NCKAP1: variants seen among roughly 807,000 people sequenced by gnomAD.
The protein encoded by NCKAP1 is nck-associated protein 1.
In NCKAP1, 21 loss-of-function variants were observed where a neutral mutation model predicts 151.2. The ratio of observed to expected loss-of-function variants is 0.14; its 90% CI spans 0.10 to 0.20. The LOEUF is 0.20. Among genes scored for constraint, NCKAP1 ranks in the 10% least tolerant of loss-of-function variants. The probability of loss-of-function intolerance (pLI) is 1.00; values close to 1 mark genes in which losing one functional copy is unlikely to be tolerated. For synonymous variants in NCKAP1, 484 were observed against 451.8 expected (o/e 1.07, Z -0.90); for missense variants, 933 against 1,352.1 (o/e 0.69, Z 4.86).
chr2:183,019,348 G>GA (rs200853290), intron 2 of NCKAP1, among the ~76,000 whole-genome samples: 6 of 150,178 alleles, frequency 4.0e-5, no homozygotes, highest in African/African-American at 1.5e-4. Flanking sequence ...ATAGGAAAGA[G>GA]AAAAAAAAAG....
At chr2:182,929,187 G>A (rs1280293776) in intron 27 of NCKAP1, among the ~76,000 whole-genome samples, 1 of 151,278 alleles carries the variant, frequency 6.6e-6, no homozygotes, top group African/African-American at 2.4e-5. Flanking sequence ...TAAGATTATA[G>A]AACAAAAAAT....
At position 182,967,388 on chromosome 2, in the gene NCKAP1, G is replaced by C. The variant is rs571047058; in HGVS notation, c.1483-27C>G. ...TATAAAGTACAAAAAAAAAAAAGTA[G>C]TTCAGGTAAACATAAATGACTTCGG... On this transcript the variant is annotated intron_variant, in intron 15 of 30. Coordinates refer to ENST00000361354, the MANE Select transcript of NCKAP1 (RefSeq NM_013436.5). The C allele has an allele frequency of 2.6e-6, 4 of 1,553,348 alleles. No homozygotes were observed. In the African/African-American group the frequency reaches 5.6e-5, roughly 22 times the overall value.
chr2:183,033,155 T>G (rs921904719), intron 1 of NCKAP1, among the ~76,000 whole-genome samples: 1 of 152,216 alleles, frequency 6.6e-6, no homozygotes, highest in African/African-American at 2.4e-5. Flanking sequence ...GTAAATTATC[T>G]GGTAATACAG....
intron 29 of NCKAP1, 183 bp from the exon 30 acceptor site, chr2:182,927,088 G>T: frequency 4.2e-6 from 2 of 479,368 alleles, no homozygotes; most frequent in Non-Finnish European, 7.3e-6. Flanking sequence ...GAGTAATTAA[G>T]GCACAAAGAG....
chr2:182,984,474 AT>A (rs548963776), intron 10 of NCKAP1, among the ~76,000 whole-genome samples: 104 of 144,610 alleles, frequency 7.2e-4, no homozygotes, highest in African/African-American at 2.5e-3. Context: ...AAACCCAAGT[AT>A]AAAGAATACA....
Position 182,913,709 on chromosome 2 carries a change from T to C in NCKAP1, c.*11993A>G, listed in dbSNP as rs965391691. ...AGGACCTTCTCTGCACAGGGCCCTT[T>C]TGATTGCAAGAAATATAATCTAGTC... On this transcript the variant is annotated 3_prime_UTR_variant, in exon 31 of 31. Transcript: ENST00000361354. 2 of 152,234 alleles carry C rather than the reference T, an allele frequency of 1.3e-5. No homozygotes were observed. Among genetic ancestry groups the C allele is most frequent in the Admixed American group, 1.3e-4 (2 of 15,282 alleles). 9.4% of individuals were successfully genotyped at this position (152,234 alleles called of 1,614,324 possible).
At position 183,036,371 on chromosome 2, in the gene NCKAP1, A is replaced by T. The variant is rs3791245; in HGVS notation, c.108+1621T>A. On this transcript the variant is annotated intron_variant, in intron 1 of 30. Coordinates refer to ENST00000361354, the MANE Select transcript of NCKAP1 (RefSeq NM_013436.5). The stretch of plus-strand genomic sequence containing the variant: ...CATTTCCTTTAAACCACAATACCAC[A>T]GGTCTAGTAACTTTTATAATATTTG... Among the ~76,000 whole-genome samples the T allele has an allele frequency of 1.6e-3, 237 of 152,324 alleles. 7 individuals are homozygous for T. In the East Asian group the frequency reaches 0.037, roughly 24 times the overall value.
chr2:183,000,694 A>C (rs570529508), intron 6 of NCKAP1, among the ~76,000 whole-genome samples: 8 of 152,296 alleles, frequency 5.3e-5, no homozygotes, highest in African/African-American at 1.9e-4. Flanking sequence ...AACCTATATA[A>C]ATTTGTGTAT....
chr2:182,983,496 G>T (rs1697983630), intron 10 of NCKAP1, 114 bp from the exon 11 acceptor site: 3 of 641,554 alleles, frequency 4.7e-6, no homozygotes, highest in Non-Finnish European at 8.0e-6. Flanking sequence ...GGAAGCCAAA[G>T]TTCCTATAAA....
chr2:182,999,835 A>T (rs1225204297), intron 6 of NCKAP1, among the ~76,000 whole-genome samples: 1 of 152,208 alleles, frequency 6.6e-6, no homozygotes, highest in African/African-American at 2.4e-5. Context: ...AAAGGAACAA[A>T]ATCATGTCTT....
chr2:183,037,951 G>A, intron 1 of NCKAP1, 41 bp downstream of exon 1: 3 of 1,500,080 alleles, frequency 2.0e-6, no homozygotes, highest in East Asian at 5.1e-5. Context: ...TCCCTCCCGG[G>A]CCCGCCCGCC....
chr2:183,037,558 G>A (rs1699127019), intron 1 of NCKAP1, among the ~76,000 whole-genome samples: 1 of 152,226 alleles, frequency 6.6e-6, no homozygotes, highest in Admixed American at 6.5e-5. Context: ...GATGTGGGGT[G>A]TAATCCCTGT....
chr2:182,948,410 C>G (rs73046211), intron 23 of NCKAP1, among the ~76,000 whole-genome samples: 1 of 151,924 alleles, frequency 6.6e-6, no homozygotes, highest in Admixed American at 6.5e-5. Context: ...ACAGTCGTTC[C>G]GCATTCCCCT....
chr2:182,939,122 G>A (rs1197246326), intron 24 of NCKAP1, among the ~76,000 whole-genome samples: 2 of 152,128 alleles, frequency 1.3e-5, no homozygotes, highest in African/African-American at 2.4e-5. Context: ...TTTTTAGTCT[G>A]GAATTAGGGA....
In NCKAP1 at chr2:183,024,550, C is replaced by T. The variant is rs185807930; in HGVS notation, c.109-634G>A. Among the ~76,000 whole-genome samples, 97 of 152,258 alleles carry T rather than the reference C, an allele frequency of 6.4e-4. 1 individual carries two copies. Among genetic ancestry groups the T allele is most frequent in the Non-Finnish European group, 9.3e-4 (63 of 68,014 alleles). ...AGCACAGAACAAATGGATATGTTTA[C>T]GTTTTGACCGTATCAGCAGTACAGC... On this transcript the variant is annotated intron_variant, in intron 1 of 30. Coordinates refer to ENST00000361354, the MANE Select transcript of NCKAP1 (RefSeq NM_013436.5).
chr2:182,933,489 G>T (rs948795236), intron 26 of NCKAP1, among the ~76,000 whole-genome samples: 4 of 151,264 alleles, frequency 2.6e-5, no homozygotes, highest in African/African-American at 9.8e-5. Context: ...CACCTCCTGG[G>T]TTCAAGAGAT....
At chr2:182,960,825 T>C (rs1300960533) in intron 18 of NCKAP1, among the ~76,000 whole-genome samples, 1 of 152,082 alleles carries the variant, frequency 6.6e-6, no homozygotes, top group Non-Finnish European at 1.5e-5. Context: ...ATTTTTACAA[T>C]CTACTCATCT....
At position 182,914,519 on chromosome 2, in the gene NCKAP1, A is replaced by G. The variant is rs1023867507; in HGVS notation, c.*11183T>C. 1 of 152,202 alleles carries G rather than the reference A, an allele frequency of 6.6e-6. No individual in the cohort carries two copies. The highest frequency in any genetic ancestry group is 1.5e-5 in the Non-Finnish European group (1 of 68,040). 9.4% of individuals were successfully genotyped at this position (152,202 alleles called of 1,614,324 possible). A position where few individuals can be genotyped will look rare whatever the true frequency, so the allele number is the denominator to read the frequency against. ...ATTAAAAAATTAAAAGAGGAAATGGAGATACTCTAGTATGCAATTTATATG... is the reference window on the plus strand; with the variant it reads ...ATTAAAAAATTAAAAGAGGAAATGGGGATACTCTAGTATGCAATTTATATG... On this transcript the variant is annotated 3_prime_UTR_variant, in exon 31 of 31. Transcript: ENST00000361354.
chr2:182,957,394 T>C lies in NCKAP1; in HGVS notation c.2021+63A>G, dbSNP rs1005114123. 1.1e-5 allele frequency: 16 copies of C among 1,514,294 alleles called. No homozygotes were observed. The Middle Eastern group carries it at 1.1e-3, about 100-fold the overall frequency. The allele number at this position is 1,514,294 out of a possible 1,614,324, so 93.8% of individuals were successfully genotyped here. On this transcript the variant is annotated intron_variant, in intron 19 of 30. Transcript: ENST00000361354. ...AGCATTTCCTCAGTACTAATGTCAATAGAAAAAAATGAAATAAATATTTTA... is the reference window on the plus strand; with the variant it reads ...AGCATTTCCTCAGTACTAATGTCAACAGAAAAAAATGAAATAAATATTTTA...
Sources: allele counts gnomAD v4.1 joint callset (sites outside exome capture counted in the v4.1 genomes callset), GRCh38; gene constraint gnomAD v4.1.1; transcripts MANE v1.5; gene names NCBI Gene and HGNC (gene_info 2026-07-23, HGNC 2026-07-21).